The following CCPG1 variants were observed in gnomAD, a reference collection of about 807,000 sequenced individuals.
CCPG1 encodes the protein cell cycle progression protein 1.
In CCPG1, 46 loss-of-function variants were observed where a neutral mutation model predicts 81.3. That is an observed-to-expected ratio of 0.57 (90% CI 0.45 to 0.72). CCPG1 has a LOEUF of 0.72. CCPG1 is among the 30% of genes least tolerant of loss of function. The pLI is 0.00. For missense variants in CCPG1, 902 were observed against 937.6 expected (o/e 0.96, Z 0.50); for synonymous variants, 330 against 305.2 (o/e 1.08, Z -0.85).
At chr15:55,374,940 C>T (rs953488391) in intron 5 of CCPG1, among the ~76,000 whole-genome samples, 1 of 152,220 alleles carries the variant, frequency 6.6e-6, no homozygotes, top group East Asian at 1.9e-4. Flanking sequence ...GCAGGGATTA[C>T]AGGCATGAGC....
chr15:55,402,224 A>G (rs931010263), intron 1 of CCPG1, among the ~76,000 whole-genome samples: 1 of 152,116 alleles, frequency 6.6e-6, no homozygotes, highest in African/African-American at 2.4e-5. Context: ...TAATGTCTTT[A>G]TTATAGCTTT....
At chr15:55,377,637 G>A (rs2056594625) in intron 4 of CCPG1, among the ~76,000 whole-genome samples, 6 of 152,206 alleles carry the variant, frequency 3.9e-5, no homozygotes, top group Admixed American at 3.9e-4. Flanking sequence ...TAAGAAGTGG[G>A]ACCTTTAGGA....
intron 7 of CCPG1, among the ~76,000 whole-genome samples, chr15:55,363,964 A>T (rs519647): frequency 3.3e-5 from 5 of 149,320 alleles, no homozygotes; most frequent in African/African-American, 4.9e-5. Flanking sequence ...CCACCACACC[A>T]GGCTGATTTT....
chr15:55,373,195 ACT>A (rs1383662980), intron 5 of CCPG1, among the ~76,000 whole-genome samples: 1 of 152,174 alleles, frequency 6.6e-6, no homozygotes, highest in Non-Finnish European at 1.5e-5. Flanking sequence ...ATTTCTTAAC[ACT>A]GTTTCTTATG....
intron 1 of CCPG1, among the ~76,000 whole-genome samples, chr15:55,403,074 A>C (rs1186808693): frequency 6.6e-6 from 1 of 152,202 alleles, no homozygotes; most frequent in East Asian, 1.9e-4. Flanking sequence ...TTATCACATC[A>C]AGGCATCACA....
chr15:55,376,562 A>G (rs961197345), intron 5 of CCPG1, among the ~76,000 whole-genome samples: 1 of 152,230 alleles, frequency 6.6e-6, no homozygotes, highest in Non-Finnish European at 1.5e-5. Flanking sequence ...AGAGACTTTA[A>G]TAACAATTTT....
intron 1 of CCPG1, among the ~76,000 whole-genome samples, chr15:55,396,538 A>G (rs2057020382): frequency 6.6e-6 from 1 of 152,222 alleles, no homozygotes. Context: ...TATTTCTGCT[A>G]ACTCACAGAA....
In CCPG1 at chr15:55,360,256, T is replaced by A. The variant is rs375939104; in HGVS notation, c.1517A>T (p.His506Leu). The change falls in exon 8 of 9, where the codon CAT becomes CTT. Residue 506 changes from histidine (H) to leucine (L), a missense_variant. By Grantham distance (99) the His-to-Leu change is moderately conservative (BLOSUM62 -3). Coordinates refer to ENST00000442196, the MANE Select transcript of CCPG1 (RefSeq NM_001204450.2). ...MKNSTKEFVR[H>L]HKEKIKQAKE... Reference sequence around the variant, plus strand: ...AGCCTGCTTAATTTTCTCTTTATGATGCCTTACAAACTCCTTGGTAGAATT... The same window carrying A: ...AGCCTGCTTAATTTTCTCTTTATGAAGCCTTACAAACTCCTTGGTAGAATT... 46 of 1,613,942 alleles carry A rather than the reference T, an allele frequency of 2.9e-5. No homozygotes were observed. The highest frequency in any genetic ancestry group is 3.9e-5 in the Non-Finnish European group (46 of 1,180,028).
chr15:55,372,399 G>A (rs550013), intron 5 of CCPG1: 2,842 of 252,536 alleles, frequency 0.011, 75 homozygotes, highest in African/African-American at 0.061. Flanking sequence ...AGTGGCTCAC[G>A]CCTGTAATCC....
At chr15:55,381,393 G>T (rs1358674444) in intron 3 of CCPG1, among the ~76,000 whole-genome samples, 1 of 151,982 alleles carries the variant, frequency 6.6e-6, no homozygotes, top group Non-Finnish European at 1.5e-5. Context: ...AGATCATTGC[G>T]CCACTGCACT....
chr15:55,365,432 G>GT (rs372770816), intron 6 of CCPG1, 123 bp from the exon 7 acceptor site: 6,933 of 304,216 alleles, frequency 0.023, 7 homozygotes, highest in East Asian at 0.03. Context: ...TTTTTTTTTT[G>GT]TTTTTTTTTT....
intron 3 of CCPG1, among the ~76,000 whole-genome samples, chr15:55,381,238 A>G (rs1412542406): frequency 6.6e-6 from 1 of 151,924 alleles, no homozygotes; most frequent in African/African-American, 2.4e-5. Flanking sequence ...GTTCGAGACC[A>G]GAGTGGCCAA....
chr15:55,377,174 T>C (rs778686155), intron 4 of CCPG1, 24 bp from the exon 5 acceptor site: 22 of 1,538,156 alleles, frequency 1.4e-5, no homozygotes, highest in South Asian at 2.3e-5. Context: ...ATTTTAGAGA[T>C]GGTAAGTTCA....
intron 7 of CCPG1, among the ~76,000 whole-genome samples, chr15:55,362,418 C>T (rs1019088167): frequency 5.9e-5 from 9 of 151,952 alleles, no homozygotes; most frequent in South Asian, 2.1e-4. Context: ...GACTGCTTCA[C>T]GTTCTGGCTC....
intron 1 of CCPG1, chr15:55,399,812 G>C (rs561358989): frequency 1.3e-5 from 2 of 152,232 alleles, no homozygotes; most frequent in South Asian, 4.1e-4. Context: ...AAAAGCCACA[G>C]GCCGGGCCCG....
intron 1 of CCPG1, among the ~76,000 whole-genome samples, chr15:55,398,471 T>C (rs1299066783): frequency 6.6e-6 from 1 of 152,180 alleles, no homozygotes; most frequent in Non-Finnish European, 1.5e-5. Flanking sequence ...AACGTATTTG[T>C]AAAATACTTT....
intron 8 of CCPG1, chr15:55,357,033 T>C (rs2056092949): frequency 1.0e-6 from 1 of 985,452 alleles, no homozygotes; most frequent in Non-Finnish European, 1.2e-6. Flanking sequence ...CTCCTGTCCT[T>C]AGCCTTCCCT....
At chr15:55,363,799 CTTTTTT>C (rs565044184) in intron 7 of CCPG1, among the ~76,000 whole-genome samples, 1,140 of 93,930 alleles carry the variant, frequency 0.012, 21 homozygotes, top group Admixed American at 0.025. Flanking sequence ...TTTCCTTTTC[CTTTTTT>C]TTTTTTTTTT....
chr15:55,359,711 C>T lies in CCPG1; in HGVS notation c.2062G>A (p.Gly688Ser), dbSNP rs781261494. 3.7e-6 allele frequency: 6 copies of T among 1,613,316 alleles called. No homozygotes were observed. Among genetic ancestry groups the T allele is most frequent in the South Asian group, 1.1e-5 (1 of 91,046 alleles). Residue 688 changes from glycine (G) to serine (S), a missense_variant, in exon 8 of 9, where the codon GGT (glycine) becomes AGT (serine). Transcript: ENST00000442196. ...AGCTTCTGATCATGTATAAAGACAC[C>T]GTTTAGGAAAAACTTATTGATGAAC... The part of the protein sequence containing the change: ...DQFINKFFLN[G>S]VFIHDQKLFT...
Sources: allele counts gnomAD v4.1 joint callset (sites outside exome capture counted in the v4.1 genomes callset), GRCh38; gene constraint gnomAD v4.1.1; transcripts MANE v1.5; gene names NCBI Gene and HGNC (gene_info 2026-07-23, HGNC 2026-07-21).